OLFM2: variants seen among roughly 807,000 people sequenced by gnomAD.
OLFM2 encodes the protein noelin-2.
Under a neutral mutation model 43.9 loss-of-function variants are expected in OLFM2, and 20 were observed. The observed-to-expected ratio is 0.46, with a 90% CI of 0.32 to 0.66. The LOEUF is 0.66. Among genes scored for constraint, OLFM2 ranks in the 30% least tolerant of loss-of-function variants. The pLI, the probability that OLFM2 is intolerant of heterozygous loss-of-function variation, is 0.04. For synonymous variants in OLFM2, 268 were observed against 278.6 expected (o/e 0.96, Z 0.38); for missense variants, 416 against 643.6 (o/e 0.65, Z 3.83).
chr19:9,906,657 G>A (rs1599493249), intron 1 of OLFM2, among the ~76,000 whole-genome samples: 1 of 152,126 alleles, frequency 6.6e-6, no homozygotes, highest in East Asian at 1.9e-4. Flanking sequence ...CTGAAATGCA[G>A]GAAGAGAGAG....
chr19:9,888,180 G>A (rs1355366666), intron 1 of OLFM2, among the ~76,000 whole-genome samples: 1 of 152,004 alleles, frequency 6.6e-6, no homozygotes, highest in Non-Finnish European at 1.5e-5. Context: ...TGCCTGAAAT[G>A]TCCTTCCACC....
chr19:9,883,137 G>C lies in OLFM2; in HGVS notation c.64-22343C>G, dbSNP rs890309974. Among the ~76,000 whole-genome samples, 10 of 151,808 alleles carry C rather than the reference G, an allele frequency of 6.6e-5. No individual in the cohort carries two copies. The East Asian group carries it at 7.7e-4, about 12-fold the overall frequency. On this transcript the variant is annotated intron_variant, in intron 1 of 5. Transcript: ENST00000264833. ...AGGCAGGAGAATCACTTGAATCCGG[G>C]GGTGGAGGTTACAGTGAGCCGAGAT...
chr19:9,905,520 A>G (rs2046778462), intron 1 of OLFM2, among the ~76,000 whole-genome samples: 1 of 151,236 alleles, frequency 6.6e-6, no homozygotes, highest in Admixed American at 6.6e-5. Flanking sequence ...AGGTGCCTGT[A>G]GTTCCAGTTA....
intron 1 of OLFM2, among the ~76,000 whole-genome samples, chr19:9,868,716 G>T (rs1365886006): frequency 6.6e-6 from 1 of 152,090 alleles, no homozygotes; most frequent in East Asian, 1.9e-4. Flanking sequence ...CAAGGCAGGA[G>T]AATCACTTGA....
At chr19:9,936,255 C>G (rs1481432858) in intron 1 of OLFM2, 49 bp downstream of exon 1, 113 of 1,523,396 alleles carry the variant, frequency 7.4e-5, no homozygotes, top group Non-Finnish European at 4.0e-5. Context: ...CCGCGCCCCC[C>G]TCCTCTCCCG....
At chr19:9,898,196 C>A (rs959577670) in intron 1 of OLFM2, among the ~76,000 whole-genome samples, 1 of 149,294 alleles carries the variant, frequency 6.7e-6, no homozygotes, top group Non-Finnish European at 1.5e-5. Flanking sequence ...CAGGCATGAG[C>A]CATAGCGCCT....
intron 1 of OLFM2, among the ~76,000 whole-genome samples, chr19:9,896,406 AT>A (rs1005925753): frequency 1.4e-5 from 2 of 141,122 alleles, no homozygotes; most frequent in African/African-American, 2.7e-5. Context: ...GCCTATTTTA[AT>A]TTTTTTTAGA....
At chr19:9,912,895 G>A (rs535765401) in intron 1 of OLFM2, among the ~76,000 whole-genome samples, 13 of 151,824 alleles carry the variant, frequency 8.6e-5, no homozygotes, top group African/African-American at 2.9e-4. Context: ...AATTCTCAGC[G>A]CCACAGAGAC....
At chr19:9,924,698 T>C (rs912207176) in intron 1 of OLFM2, among the ~76,000 whole-genome samples, 11 of 152,046 alleles carry the variant, frequency 7.2e-5, no homozygotes, top group African/African-American at 2.4e-5. Flanking sequence ...TTGTGCTGTT[T>C]GTTGGTGACT....
intron 1 of OLFM2, among the ~76,000 whole-genome samples, chr19:9,935,370 G>A (rs2086508951): frequency 6.6e-6 from 1 of 152,110 alleles, no homozygotes; most frequent in East Asian, 1.9e-4. Flanking sequence ...GCAAAAGAGA[G>A]CGTGGACGCC....
intron 1 of OLFM2, among the ~76,000 whole-genome samples, chr19:9,907,735 G>A (rs1291860064): frequency 1.3e-5 from 2 of 152,090 alleles, no homozygotes; most frequent in Non-Finnish European, 2.9e-5. Context: ...CGGGCATGGT[G>A]GCTTATGCCT....
chr19:9,888,521 C>CAAAAA (rs33932579), intron 1 of OLFM2, among the ~76,000 whole-genome samples: 1 of 138,664 alleles, frequency 7.2e-6, no homozygotes, highest in South Asian at 2.3e-4. Flanking sequence ...GACCTTACCT[C>CAAAAA]AAAAAAAAAA....
At chr19:9,921,420 G>GGCAAA (rs2086419087) in intron 1 of OLFM2, among the ~76,000 whole-genome samples, 1 of 152,058 alleles carries the variant, frequency 6.6e-6, no homozygotes, top group South Asian at 2.1e-4. Flanking sequence ...CACCCAGCTA[G>GGCAAA]GCAAAGGTTT....
intron 2 of OLFM2, 141 bp downstream of exon 2, chr19:9,860,504 G>A: frequency 1.2e-6 from 1 of 844,636 alleles, no homozygotes; most frequent in Non-Finnish European, 1.8e-6. Flanking sequence ...GACCTGCCTG[G>A]AGAGGAGCTG....
intron 1 of OLFM2, among the ~76,000 whole-genome samples, chr19:9,891,953 T>C (rs2046643428): frequency 6.6e-6 from 1 of 152,112 alleles, no homozygotes; most frequent in Non-Finnish European, 1.5e-5. Context: ...AACAGGATGG[T>C]GTCAGATGAT....
intron 5 of OLFM2, among the ~76,000 whole-genome samples, chr19:9,855,139 G>A (rs944647446): frequency 6.6e-6 from 1 of 151,902 alleles, no homozygotes; most frequent in Non-Finnish European, 1.5e-5. Flanking sequence ...GGAATTCCTG[G>A]GCCCAGTGAG....
rs180950372 is a variant in OLFM2 at position 9,935,661 on chromosome 19, C to G, written c.63+643G>C. ...CACGTATTGTACAACACCCAGTCAT[C>G]TGGAGCCAGTAATGAGGACACGGTC... On this transcript the variant is annotated intron_variant, in intron 1 of 5. Coordinates refer to ENST00000264833, the MANE Select transcript of OLFM2 (RefSeq NM_058164.4). 8.6e-4 allele frequency among the ~76,000 whole-genome samples: 131 copies of G among 152,284 alleles called. 1 individual carries two copies. The highest frequency in any genetic ancestry group is 2.9e-3 in the African/African-American group (122 of 41,554).
intron 1 of OLFM2, among the ~76,000 whole-genome samples, chr19:9,862,208 G>A (rs1366031877): frequency 6.6e-6 from 1 of 152,142 alleles, no homozygotes; most frequent in Non-Finnish European, 1.5e-5. Context: ...ACATGCTGCA[G>A]TGAGTGCTTT....
chr19:9,927,050 G>A (rs546868608), intron 1 of OLFM2, among the ~76,000 whole-genome samples: 82 of 151,950 alleles, frequency 5.4e-4, no homozygotes, highest in Non-Finnish European at 8.8e-4. Context: ...TTAGGAGGCC[G>A]AGGCAGGCAG....
Sources: allele counts gnomAD v4.1 joint callset (sites outside exome capture counted in the v4.1 genomes callset), GRCh38; gene constraint gnomAD v4.1.1; transcripts MANE v1.5; gene names NCBI Gene and HGNC (gene_info 2026-07-23, HGNC 2026-07-21).